Variants in SPOCK2 observed in about 807,000 individuals in gnomAD.
SPOCK2 encodes SPARC (osteonectin), cwcv and kazal like domains proteoglycan 2.
In SPOCK2, 39 loss-of-function variants were observed where a neutral mutation model predicts 60.1. The observed-to-expected ratio is 0.65, with a 90% CI of 0.50 to 0.85. The LOEUF is 0.85. SPOCK2 is among the 40% of genes least tolerant of loss of function. SPOCK2 has a pLI of 0.00. For synonymous variants in SPOCK2, 217 were observed against 231.5 expected (o/e 0.94, Z 0.57); for missense variants, 523 against 567.4 (o/e 0.92, Z 0.80).
In SPOCK2 at chr10:72,062,967, C is replaced by T; in HGVS notation, c.1129+58G>A. ...TTCTGGCACGCACCCCCCAGCATCC[C>T]ACGACAAGGGCCCCCAGGCCTGGGC... On this transcript the variant is annotated intron_variant, in intron 10 of 10. Transcript: ENST00000373109. The surrounding 1 kb of genome is among the most constrained non-coding windows in gnomAD (Gnocchi z 4.3). 7 of 1,582,140 alleles carry T rather than the reference C, an allele frequency of 4.4e-6. No homozygotes were observed. The South Asian group carries it at 8.0e-5, about 18-fold the overall frequency.
rs11551147 is a variant in SPOCK2 at position 72,088,458 on chromosome 10, G to T, written c.-130C>A. The T allele has an allele frequency of 9.1e-7, 1 of 1,101,166 alleles. No individual in the cohort carries two copies. The highest frequency in any genetic ancestry group is 1.3e-6 in the Non-Finnish European group (1 of 797,838). The allele number at this position is 1,101,166 out of a possible 1,614,324, so 68.2% of individuals were successfully genotyped here. A position where few individuals can be genotyped will look rare whatever the true frequency, so the allele number is the denominator to read the frequency against. On this transcript the variant is annotated 5_prime_UTR_variant, in exon 1 of 11. Transcript: ENST00000373109. The stretch of plus-strand genomic sequence containing the variant: ...CTCCCGCGGTCTGCCTCCGGTGACT[G>T]GCGGAGAGTGGGTCGCGGCTGAAAT...
At chr10:72,080,866 G>A (rs1032555108) in intron 1 of SPOCK2, among the ~76,000 whole-genome samples, 6 of 152,084 alleles carry the variant, frequency 3.9e-5, no homozygotes, top group Non-Finnish European at 5.9e-5. Flanking sequence ...CCTGCTGCCC[G>A]GGCCCTGACC....
chr10:72,072,717 C>A, intron 2 of SPOCK2, 169 bp from the exon 3 acceptor site: 1 of 1,328,680 alleles, frequency 7.5e-7, no homozygotes, highest in African/African-American at 1.4e-5. Flanking sequence ...CTCCCCCACA[C>A]CTCTATCCCT....
intron 9 of SPOCK2, 112 bp downstream of exon 9, chr10:72,064,066 T>C: frequency 7.2e-7 from 1 of 1,380,222 alleles, no homozygotes; most frequent in Non-Finnish European, 9.9e-7. Flanking sequence ...GGCCAGGGCC[T>C]CCTCTGGGCT....
chr10:72,068,329 G>A (rs772455693), intron 5 of SPOCK2, 28 bp from the exon 6 acceptor site: 2 of 1,576,782 alleles, frequency 1.3e-6, no homozygotes, highest in South Asian at 1.2e-5. Context: ...TGGAACAGGG[G>A]ACTGAGGGCT....
chr10:72,069,658 A>G (rs1268779917), intron 5 of SPOCK2, among the ~76,000 whole-genome samples: 1 of 151,896 alleles, frequency 6.6e-6, no homozygotes, highest in African/African-American at 2.4e-5. Context: ...GGGTCTCACT[A>G]TGTTACCCAG....
chr10:72,077,850 G>A (rs1021881881), intron 1 of SPOCK2, among the ~76,000 whole-genome samples: 2 of 151,736 alleles, frequency 1.3e-5, no homozygotes, highest in African/African-American at 4.8e-5. Context: ...AATCCCTCTC[G>A]CTTGCCCTCC....
At chr10:72,076,079 C>T (rs1017490531) in intron 1 of SPOCK2, among the ~76,000 whole-genome samples, 3 of 152,104 alleles carry the variant, frequency 2.0e-5, no homozygotes, top group African/African-American at 4.8e-5. Flanking sequence ...GACAGAGATG[C>T]CACATGAGGA....
At chr10:72,082,223 G>C (rs1023671246) in intron 1 of SPOCK2, among the ~76,000 whole-genome samples, 1 of 152,240 alleles carries the variant, frequency 6.6e-6, no homozygotes, top group African/African-American at 2.4e-5. Flanking sequence ...CTGGATGCTG[G>C]CCAAGCCCTT....
intron 9 of SPOCK2, 32 bp downstream of exon 9, chr10:72,064,146 T>C (rs751174058): frequency 6.2e-7 from 1 of 1,609,040 alleles, no homozygotes; most frequent in Admixed American, 1.7e-5. Context: ...CGTCCCCACC[T>C]CCTCCTCTGA....
intron 8 of SPOCK2, 33 bp from the exon 9 acceptor site, chr10:72,064,273 G>C: frequency 6.4e-7 from 1 of 1,551,858 alleles, no homozygotes; most frequent in South Asian, 1.2e-5. Context: ...TGATGGGACT[G>C]TCCCCTGGTG....
intron 7 of SPOCK2, 112 bp from the exon 8 acceptor site, chr10:72,067,232 G>C (rs1447293041): frequency 6.4e-6 from 7 of 1,095,670 alleles, no homozygotes; most frequent in South Asian, 3.2e-5. Flanking sequence ...GGTCTGGGCA[G>C]CTTGGAATCT....
In SPOCK2 at chr10:72,088,256, C is replaced by A. The variant is rs770205711; in HGVS notation, c.73G>T (p.Asp25Tyr). 3 of 1,609,500 alleles carry A rather than the reference C, an allele frequency of 1.9e-6. 1 individual carries two copies. Among genetic ancestry groups the A allele is most frequent in the Non-Finnish European group, 2.5e-6 (3 of 1,179,050 alleles). ...TCGCCCTCCTTGAGCCCCTTGGCGTCGCCTTCGGCCAGGGCTGCCGCGGCC... is the reference window on the plus strand; with the variant it reads ...TCGCCCTCCTTGAGCCCCTTGGCGTAGCCTTCGGCCAGGGCTGCCGCGGCC... ...LLAAAALAEGDAKGLKEGETP... is the reference protein window; with the variant it reads ...LLAAAALAEGYAKGLKEGETP... The change falls in exon 1 of 11, where the codon GAC (aspartate) becomes TAC (tyrosine). Residue 25 changes from aspartate (D) to tyrosine (Y), a missense_variant. Physicochemically the swap from Asp to Tyr is radical, Grantham distance 160. Coordinates refer to ENST00000373109, the MANE Select transcript of SPOCK2 (RefSeq NM_001244950.2).
At chr10:72,070,285 A>G in intron 5 of SPOCK2, 27 bp downstream of exon 5, 2 of 1,610,060 alleles carry the variant, frequency 1.2e-6, no homozygotes, top group South Asian at 2.2e-5. Flanking sequence ...CTCCACCCCC[A>G]CCCTACCTGG....
In SPOCK2 at chr10:72,062,596, C is replaced by T; in HGVS notation, c.*164G>A. 7.4e-7 allele frequency: 1 copy of T among 1,354,896 alleles called. No homozygotes were observed. Among genetic ancestry groups the T allele is most frequent in the Non-Finnish European group, 1.0e-6 (1 of 1,002,548 alleles). 83.9% of individuals were successfully genotyped at this position (1,354,896 alleles called of 1,614,324 possible). On this transcript the variant is annotated 3_prime_UTR_variant, in exon 11 of 11. Coordinates refer to ENST00000373109, the MANE Select transcript of SPOCK2 (RefSeq NM_001244950.2). This position sits in a 1 kb window ranked among gnomAD's most constrained non-coding sequence, Gnocchi z 4.3. ...ACATGCACTCACACTGTCACCCGTCCCAGCCATCTGTGCCACACACATGCC... is the reference window on the plus strand; with the variant it reads ...ACATGCACTCACACTGTCACCCGTCTCAGCCATCTGTGCCACACACATGCC...
At position 72,062,516 on chromosome 10, in the gene SPOCK2, G is replaced by C; in HGVS notation, c.*244C>G. 1 of 651,512 alleles carries C rather than the reference G, an allele frequency of 1.5e-6. No individual in the cohort carries two copies. The highest frequency in any genetic ancestry group is 2.4e-6 in the Non-Finnish European group (1 of 415,830). 40.4% of individuals were successfully genotyped at this position (651,512 alleles called of 1,614,324 possible). On this transcript the variant is annotated 3_prime_UTR_variant, in exon 11 of 11. Coordinates refer to ENST00000373109, the MANE Select transcript of SPOCK2 (RefSeq NM_001244950.2). The surrounding 1 kb of genome is among the most constrained non-coding windows in gnomAD (Gnocchi z 4.3). ...CTCTGCCAGGAGCAGTGTGGATCAA[G>C]GACACATTTGTCAGCGCATGCCACA...
intron 1 of SPOCK2, 55 bp from the exon 2 acceptor site, chr10:72,072,965 G>T: frequency 6.4e-7 from 1 of 1,551,966 alleles, no homozygotes; most frequent in South Asian, 1.2e-5. Flanking sequence ...AAGAGAAAGG[G>T]AGAAAGATGG....
At chr10:72,067,587 T>C in intron 7 of SPOCK2, 26 bp downstream of exon 7, 1 of 1,610,536 alleles carries the variant, frequency 6.2e-7, no homozygotes, top group South Asian at 1.1e-5. Context: ...CCCTCCCTCC[T>C]CCAGGCAGAG....
intron 1 of SPOCK2, among the ~76,000 whole-genome samples, chr10:72,081,873 G>A (rs1229574070): frequency 1.3e-5 from 2 of 152,152 alleles, no homozygotes; most frequent in Non-Finnish European, 2.9e-5. Context: ...CTTGGAGAGG[G>A]GAGGGAGGGG....
Sources: allele counts gnomAD v4.1 joint callset (sites outside exome capture counted in the v4.1 genomes callset), GRCh38; gene constraint gnomAD v4.1.1; non-coding constraint Gnocchi (gnomAD v3.1); transcripts MANE v1.5; gene names NCBI Gene and HGNC (gene_info 2026-07-23, HGNC 2026-07-21).